The following SHISA9 variants were observed in gnomAD, a reference collection of about 807,000 sequenced individuals.
SHISA9 encodes protein shisa-9.
Under a neutral mutation model 38.0 loss-of-function variants are expected in SHISA9, and 13 were observed. The observed-to-expected ratio is 0.34, with a 90% CI of 0.22 to 0.54. The LOEUF (loss-of-function observed/expected upper bound fraction) is 0.54. Ranked by LOEUF, SHISA9 falls within the 20% of genes least tolerant of loss-of-function variation. SHISA9 has a pLI of 0.91. For synonymous variants in SHISA9, 275 were observed against 242.0 expected (o/e 1.14, Z -1.27); for missense variants, 538 against 575.8 (o/e 0.93, Z 0.67).
chr16:13,557,232 T>A, the SHISA9 span, among the ~76,000 whole-genome samples: 1 of 152,234 alleles, frequency 6.6e-6, no homozygotes, highest in African/African-American at 2.4e-5. Context: ...GCACTCTTCT[T>A]GAATCTGAGG....
At chr16:13,301,827 A>C in the SHISA9 span, among the ~76,000 whole-genome samples, 1 of 152,174 alleles carries the variant, frequency 6.6e-6, no homozygotes, top group Non-Finnish European at 1.5e-5. Flanking sequence ...TCCTGACTCT[A>C]CCAAACTTAT....
At chr16:13,323,009 A>G in the SHISA9 span, among the ~76,000 whole-genome samples, 1 of 152,212 alleles carries the variant, frequency 6.6e-6, no homozygotes, top group African/African-American at 2.4e-5. Flanking sequence ...GTAATCTCAG[A>G]GTCCCAGAAT....
chr16:13,196,415 GA>G (rs894618864), intron 2 of SHISA9, among the ~76,000 whole-genome samples: 80 of 128,416 alleles, frequency 6.2e-4, no homozygotes, highest in East Asian at 1.5e-3. Context: ...AAAAAAGAAA[GA>G]AAAAAAAAAG....
At chr16:13,405,172 CATTT>C in the SHISA9 span, among the ~76,000 whole-genome samples, 3 of 152,294 alleles carry the variant, frequency 2.0e-5, no homozygotes, top group Non-Finnish European at 2.9e-5. Flanking sequence ...ATAATTGGTT[CATTT>C]GTCAATAATT....
At chr16:13,215,399 T>A (rs2051158567) in intron 4 of SHISA9, among the ~76,000 whole-genome samples, 1 of 152,232 alleles carries the variant, frequency 6.6e-6, no homozygotes, top group Non-Finnish European at 1.5e-5. Context: ...GCTGTTGCCT[T>A]CAGAGAGACA....
chr16:13,043,805 C>A (rs2073158787), intron 2 of SHISA9, among the ~76,000 whole-genome samples: 1 of 152,156 alleles, frequency 6.6e-6, no homozygotes, highest in Non-Finnish European at 1.5e-5. Context: ...CAGAGCTCAG[C>A]CTGAAATTCC....
chr16:13,298,265 G>T, the SHISA9 span, among the ~76,000 whole-genome samples: 1 of 152,096 alleles, frequency 6.6e-6, no homozygotes, highest in African/African-American at 2.4e-5. Context: ...GGACTTTATA[G>T]AGCCTACTAA....
intron 2 of SHISA9, among the ~76,000 whole-genome samples, chr16:12,938,322 C>T (rs1028151113): frequency 6.6e-6 from 1 of 152,226 alleles, no homozygotes; most frequent in Non-Finnish European, 1.5e-5. Flanking sequence ...ATACCTCTCT[C>T]TTTTCTTGCT....
At chr16:13,321,825 AAT>A in the SHISA9 span, among the ~76,000 whole-genome samples, 1 of 152,216 alleles carries the variant, frequency 6.6e-6, no homozygotes, top group Non-Finnish European at 1.5e-5. Context: ...TCTGCCACTT[AAT>A]ATCTAATGTG....
chr16:13,501,446 T>C, the SHISA9 span, among the ~76,000 whole-genome samples: 5 of 152,288 alleles, frequency 3.3e-5, no homozygotes, highest in East Asian at 9.7e-4. Flanking sequence ...GGGAGGGTCT[T>C]TGAAAGGCAT....
At chr16:12,990,545 G>A (rs1047602083) in intron 2 of SHISA9, among the ~76,000 whole-genome samples, 4 of 152,132 alleles carry the variant, frequency 2.6e-5, no homozygotes. Flanking sequence ...TATTATACTT[G>A]GACATTTAGG....
the SHISA9 span, among the ~76,000 whole-genome samples, chr16:13,535,444 T>C: frequency 1.3e-5 from 2 of 152,172 alleles, no homozygotes; most frequent in South Asian, 2.1e-4. Flanking sequence ...ATAACTCTTA[T>C]AGCCTAAGCC....
At chr16:13,369,431 C>T in the SHISA9 span, among the ~76,000 whole-genome samples, 3 of 152,060 alleles carry the variant, frequency 2.0e-5, no homozygotes, top group Non-Finnish European at 4.4e-5. Flanking sequence ...TTATAATAAT[C>T]CAATCAATGA....
At chr16:13,118,244 C>T (rs1004633493) in intron 2 of SHISA9, among the ~76,000 whole-genome samples, 2 of 146,832 alleles carry the variant, frequency 1.4e-5, no homozygotes, top group Non-Finnish European at 3.0e-5. Flanking sequence ...ACCAGTAATA[C>T]AGTCTAGCTG....
chr16:13,280,254 C>A, the SHISA9 span, among the ~76,000 whole-genome samples: 3 of 149,320 alleles, frequency 2.0e-5, no homozygotes, highest in South Asian at 2.1e-4. Flanking sequence ...AATTTCTGTT[C>A]TTTCATCAGA....
At chr16:13,430,577 C>T in the SHISA9 span, among the ~76,000 whole-genome samples, 1 of 152,078 alleles carries the variant, frequency 6.6e-6, no homozygotes, top group Non-Finnish European at 1.5e-5. Context: ...AATACTTTAT[C>T]TTTCATCAGG....
chr16:13,036,922 T>C (rs908361554), intron 2 of SHISA9, among the ~76,000 whole-genome samples: 1 of 152,156 alleles, frequency 6.6e-6, no homozygotes, highest in African/African-American at 2.4e-5. Context: ...CGTAAAGCCC[T>C]ATTTATATGA....
chr16:13,040,503 GTTTAA>G (rs1357761477), intron 2 of SHISA9, among the ~76,000 whole-genome samples: 2 of 152,122 alleles, frequency 1.3e-5, no homozygotes, highest in Non-Finnish European at 2.9e-5. Context: ...GCATTTCTCT[GTTTAA>G]TTTATTCTCA....
intron 4 of SHISA9, among the ~76,000 whole-genome samples, chr16:13,216,201 A>G (rs2051166766): frequency 7.0e-6 from 1 of 142,960 alleles, no homozygotes; most frequent in African/African-American, 2.7e-5. Context: ...AAAAAAAAAA[A>G]AAAAAGAGAG....
Sources: gnomAD v4.1 joint callset for allele counts (sites outside exome capture counted in the v4.1 genomes callset) on GRCh38, gnomAD v4.1.1 for gene constraint, MANE v1.5 for transcripts, NCBI Gene and HGNC (gene_info 2026-07-23, HGNC 2026-07-21) for gene names.